ENOX2: variants seen among roughly 807,000 people sequenced by gnomAD.
ENOX2 encodes the protein ecto-NOX disulfide-thiol exchanger 2, also known as APK1 antigen.
A neutral mutation model predicts 45.0 loss-of-function variants in ENOX2; 36 were observed. The observed-to-expected ratio is 0.80, with a 90% CI of 0.61 to 1.06. ENOX2 has a LOEUF of 1.06. Ranked by LOEUF, ENOX2 falls within the 50% of genes least tolerant of loss-of-function variation. ENOX2 has a pLI of 0.00. For missense variants in ENOX2, 423 were observed against 462.5 expected, an observed-to-expected ratio of 0.91 and a Z score of 0.78; for synonymous variants, 174 against 152.3, an observed-to-expected ratio of 1.14 and a Z score of -1.05.
rs67776619 is a variant in ENOX2 at position 130,742,245 on chromosome X, CTTTTTTTTTTT to C, written c.-38-39002_-38-38992del. The stretch of plus-strand genomic sequence containing the variant: ...TGTCTGGTTTGGTACAGATAATTTC[CTTTTTTTTTTT>C]TTTTTTTTTTTTTTTTTTGTGAAAG... On this transcript the variant is annotated intron_variant, in intron 3 of 14. Coordinates refer to ENST00000394363, the MANE Select transcript of ENOX2 (RefSeq NM_006375.4). 7.1e-3 allele frequency among the ~76,000 whole-genome samples: 429 copies of C among 60,106 alleles called. 6 individuals carry two copies. The East Asian group carries it at 0.12, about 17-fold the overall frequency. The allele number at this position is 60,106 out of a possible 115,157, so 52.2% of individuals were successfully genotyped here.
intron 3 of ENOX2, among the ~76,000 whole-genome samples, chrX:130,765,774 A>C (rs1008790035): frequency 1.8e-5 from 2 of 111,855 alleles, no homozygotes; most frequent in Non-Finnish European, 3.8e-5. Context: ...GGGTATATGT[A>C]TGTTCAACTT....
chrX:130,653,255 T>C (rs1275569655), intron 10 of ENOX2, among the ~76,000 whole-genome samples: 1 of 112,065 alleles, frequency 8.9e-6, no homozygotes, highest in South Asian at 3.7e-4. Flanking sequence ...GCATTTTACA[T>C]CTCACTTCCT....
At chrX:130,814,973 C>A (rs2077455750) in intron 2 of ENOX2, among the ~76,000 whole-genome samples, 2 of 110,892 alleles carry the variant, frequency 1.8e-5, no homozygotes, top group Admixed American at 1.9e-4. Context: ...ATGTTCTAAC[C>A]CAATGCAAGG....
intron 10 of ENOX2, among the ~76,000 whole-genome samples, chrX:130,640,716 C>A (rs905118282): frequency 9.0e-6 from 1 of 111,139 alleles, no homozygotes; most frequent in Non-Finnish European, 1.9e-5. Flanking sequence ...AACACATGGA[C>A]ACATGGGAGG....
chrX:130,726,337 C>A (rs1163427032), intron 3 of ENOX2, among the ~76,000 whole-genome samples: 1 of 112,262 alleles, frequency 8.9e-6, no homozygotes, highest in East Asian at 2.8e-4. Flanking sequence ...ACAATGGAAT[C>A]CACAGTGAAA....
At chrX:130,881,092 G>A (rs1211295431) in intron 2 of ENOX2, among the ~76,000 whole-genome samples, 1 of 111,943 alleles carries the variant, frequency 8.9e-6, no homozygotes, top group Non-Finnish European at 1.9e-5. Context: ...AGCCACATGT[G>A]ATTATTTAAA....
chrX:130,653,812 G>A (rs1363657008), intron 10 of ENOX2, among the ~76,000 whole-genome samples: 2 of 112,444 alleles, frequency 1.8e-5, no homozygotes, highest in African/African-American at 6.5e-5. Context: ...GGGGAAGGAA[G>A]AAGGAGATTA....
chrX:130,727,962 T>G (rs955746143), intron 3 of ENOX2, among the ~76,000 whole-genome samples: 1 of 112,049 alleles, frequency 8.9e-6, no homozygotes, highest in Non-Finnish European at 1.9e-5. Flanking sequence ...AAATTCACCC[T>G]TGTTGCCTGC....
At chrX:130,667,793 A>G (rs368421031) in intron 7 of ENOX2, 51 bp from the exon 8 acceptor site, 29 of 1,000,019 alleles carry the variant, frequency 2.9e-5, no homozygotes, top group Non-Finnish European at 4.0e-5. Context: ...ATTTTGATCT[A>G]TTTTCCCAAC....
Position 130,703,207 on chromosome X carries a change from GT to G in ENOX2, c.9del (p.Pro4LeufsTer12). 8.3e-7 allele frequency: 1 copy of G among 1,203,694 alleles called. No individual in the cohort carries two copies. On this transcript the variant is annotated frameshift_variant, in exon 4 of 15. Coordinates refer to ENST00000394363, the MANE Select transcript of ENOX2 (RefSeq NM_006375.4). LOFTEE classifies it high-confidence loss of function. ...GCCCATGCAGTTGGATCAGACATAG[GT>G]AGTGTCATTGCAGTGGAATCCACGT... MT[L>X]PMSDPTAWAT...
chrX:130,797,345 A>G (rs1177871880), intron 2 of ENOX2, among the ~76,000 whole-genome samples: 1 of 111,940 alleles, frequency 8.9e-6, no homozygotes, highest in Admixed American at 9.5e-5. Flanking sequence ...TCTCAATCCA[A>G]TTGATGTCAC....
chrX:130,656,098 T>C (rs1418141389), intron 10 of ENOX2, among the ~76,000 whole-genome samples: 2 of 112,168 alleles, frequency 1.8e-5, no homozygotes, highest in Non-Finnish European at 3.8e-5. Flanking sequence ...GTAATCTGAC[T>C]CCTAAGATTG....
intron 2 of ENOX2, among the ~76,000 whole-genome samples, chrX:130,837,146 A>G (rs1417261792): frequency 8.9e-6 from 1 of 112,535 alleles, no homozygotes; most frequent in Non-Finnish European, 1.9e-5. Context: ...AATTATTACA[A>G]TGAGAAACCA....
intron 3 of ENOX2, among the ~76,000 whole-genome samples, chrX:130,746,847 C>T (rs981303358): frequency 8.9e-6 from 1 of 112,217 alleles, no homozygotes; most frequent in East Asian, 2.8e-4. Flanking sequence ...ACAGCCAGAA[C>T]CAGGGCTCCC....
At chrX:130,636,990 A>C (rs1011296121) in intron 11 of ENOX2, among the ~76,000 whole-genome samples, 1 of 112,479 alleles carries the variant, frequency 8.9e-6, no homozygotes, top group African/African-American at 3.2e-5. Context: ...AGTGTAGTCT[A>C]ATGTTAAATA....
chrX:130,726,358 G>A (rs2038605601), intron 3 of ENOX2, among the ~76,000 whole-genome samples: 1 of 112,271 alleles, frequency 8.9e-6, no homozygotes, highest in Admixed American at 9.4e-5. Flanking sequence ...GTAATGGCTG[G>A]GGATACACAG....
intron 2 of ENOX2, among the ~76,000 whole-genome samples, chrX:130,825,277 A>C: frequency 9.0e-6 from 1 of 111,686 alleles, no homozygotes; most frequent in Non-Finnish European, 1.9e-5. Flanking sequence ...GTATTATACA[A>C]ATTTTACAAA....
chrX:130,787,934 G>A (rs1469394950), intron 2 of ENOX2, among the ~76,000 whole-genome samples: 1 of 111,554 alleles, frequency 9.0e-6, no homozygotes, highest in Non-Finnish European at 1.9e-5. Flanking sequence ...ACCCAATACA[G>A]TCTCCAAAGA....
intron 2 of ENOX2, among the ~76,000 whole-genome samples, chrX:130,862,021 C>T (rs1442059858): frequency 9.0e-6 from 1 of 111,680 alleles, no homozygotes; most frequent in East Asian, 2.8e-4. Context: ...CCAGCATAAT[C>T]CTTTTAAAAA....
Sources: allele counts gnomAD v4.1 joint callset (sites outside exome capture counted in the v4.1 genomes callset), GRCh38; gene constraint gnomAD v4.1.1; transcripts MANE v1.5; gene names NCBI Gene and HGNC (gene_info 2026-07-23, HGNC 2026-07-21).